The following IL1RAPL2 variants were observed in gnomAD, a reference collection of about 807,000 sequenced individuals.
The protein encoded by IL1RAPL2 is X-linked interleukin-1 receptor accessory protein-like 2.
IL1RAPL2 carries 3 observed loss-of-function variants against 44.1 expected under a neutral mutation model. The ratio of observed to expected loss-of-function variants is 0.07; its 90% confidence interval spans 0.03 to 0.18. The LOEUF is 0.18. Ranked by LOEUF, IL1RAPL2 falls within the 10% of genes least tolerant of loss-of-function variation. The pLI, the probability that IL1RAPL2 is intolerant of heterozygous loss-of-function variation, is 1.00. For missense variants in IL1RAPL2, 391 were observed against 496.4 expected, an observed-to-expected ratio of 0.79 and a Z score of 2.02; for synonymous variants, 181 against 178.8, an observed-to-expected ratio of 1.01 and a Z score of -0.10.
At chrX:104,797,553 G>C (rs1326248927) in intron 2 of IL1RAPL2, among the ~76,000 whole-genome samples, 1 of 111,670 alleles carries the variant, frequency 9.0e-6, no homozygotes, top group Non-Finnish European at 1.9e-5. Flanking sequence ...AACAGTAAAG[G>C]AATCTGTTTA....
intron 1 of IL1RAPL2, among the ~76,000 whole-genome samples, chrX:104,642,283 G>A (rs1167637723): frequency 8.9e-6 from 1 of 111,782 alleles, no homozygotes; most frequent in Non-Finnish European, 1.9e-5. Context: ...CTAAGTGGAG[G>A]AAGAGGACAT....
chrX:104,963,124 T>C (rs1486239812), intron 2 of IL1RAPL2, among the ~76,000 whole-genome samples: 1 of 111,814 alleles, frequency 8.9e-6, no homozygotes, highest in South Asian at 3.8e-4. Flanking sequence ...AATCAAGTAG[T>C]ATTTTATTAG....
chrX:105,318,118 G>T (rs953764974), intron 5 of IL1RAPL2, among the ~76,000 whole-genome samples: 1 of 109,862 alleles, frequency 9.1e-6, no homozygotes, highest in African/African-American at 3.3e-5. Context: ...GACTACAGGC[G>T]CCCGCCACCA....
chrX:105,755,071 TCCAA>T, intron 9 of IL1RAPL2, 102 bp from the exon 10 acceptor site: 1 of 486,373 alleles, frequency 2.1e-6, no homozygotes, highest in Non-Finnish European at 3.4e-6. Context: ...CTTATTTTTT[TCCAA>T]TTATTAAAGA....
intron 2 of IL1RAPL2, among the ~76,000 whole-genome samples, chrX:105,173,097 T>C (rs2033439179): frequency 9.0e-6 from 1 of 110,948 alleles, no homozygotes; most frequent in Non-Finnish European, 1.9e-5. Flanking sequence ...TCCTTAAGAT[T>C]CTGGGACTTA....
At chrX:105,101,697 G>A (rs750703526) in intron 2 of IL1RAPL2, among the ~76,000 whole-genome samples, 5 of 111,191 alleles carry the variant, frequency 4.5e-5, no homozygotes, top group South Asian at 3.8e-4. Context: ...AAAAATGGGC[G>A]TCTGTAGGAA....
chrX:104,718,563 ACTCT>A (rs761322971), intron 2 of IL1RAPL2, among the ~76,000 whole-genome samples: 63 of 108,060 alleles, frequency 5.8e-4, no homozygotes, highest in Admixed American at 4.1e-3. Context: ...TCCCCTGTGT[ACTCT>A]CTCTCTCCTG....
intron 3 of IL1RAPL2, among the ~76,000 whole-genome samples, chrX:105,232,052 G>A (rs2034076167): frequency 8.9e-6 from 1 of 111,811 alleles, no homozygotes; most frequent in Admixed American, 9.5e-5. Context: ...AACCCATGTA[G>A]AGGAAGAAAG....
At chrX:104,828,940 G>A (rs967721066) in intron 2 of IL1RAPL2, among the ~76,000 whole-genome samples, 6 of 112,143 alleles carry the variant, frequency 5.4e-5, no homozygotes, top group Admixed American at 2.8e-4. Context: ...AGGGGAGAAC[G>A]GCCTACTCAA....
chrX:105,481,548 G>A (rs1448124693), intron 5 of IL1RAPL2, among the ~76,000 whole-genome samples: 2 of 112,397 alleles, frequency 1.8e-5, no homozygotes, highest in African/African-American at 6.5e-5. Flanking sequence ...TCATCCTGCT[G>A]AAAGCAGAGC....
chrX:105,350,465 C>T (rs762992299), intron 5 of IL1RAPL2, among the ~76,000 whole-genome samples: 8 of 112,089 alleles, frequency 7.1e-5, no homozygotes, highest in South Asian at 3.7e-4. Flanking sequence ...GGCTCACGCC[C>T]GTAATCCCAG....
intron 2 of IL1RAPL2, among the ~76,000 whole-genome samples, chrX:104,744,386 G>A (rs1437945678): frequency 1.8e-5 from 2 of 111,194 alleles, no homozygotes; most frequent in Non-Finnish European, 3.8e-5. Flanking sequence ...TCTGCTGGAA[G>A]GATTTGGCAA....
At chrX:105,662,531 C>T (rs1418394315) in intron 6 of IL1RAPL2, among the ~76,000 whole-genome samples, 1 of 111,940 alleles carries the variant, frequency 8.9e-6, no homozygotes, top group Non-Finnish European at 1.9e-5. Flanking sequence ...TTTGAAACTC[C>T]TCCCCTCAAG....
chrX:105,693,763 T>C (rs965275305), intron 6 of IL1RAPL2, among the ~76,000 whole-genome samples: 6 of 111,452 alleles, frequency 5.4e-5, no homozygotes, highest in African/African-American at 2.0e-4. Context: ...GGAGATGGGA[T>C]GACAGAAGCA....
Position 105,405,760 on chromosome X carries a change from A to G in IL1RAPL2, c.698-78553A>G. 3.0e-6 allele frequency: 3 copies of G among 1,013,680 alleles called. No individual in the cohort carries two copies. In the South Asian group the frequency reaches 5.7e-5, roughly 19 times the overall value. The allele number at this position is 1,013,680 out of a possible 1,213,427, so 83.5% of individuals were successfully genotyped here. A position where few individuals can be genotyped will look rare whatever the true frequency, so the allele number is the denominator to read the frequency against. On this transcript the variant is annotated intron_variant, in intron 5 of 10. Transcript: ENST00000372582. Reference sequence around the variant, plus strand: ...AGTGTGTCCTACTTCAACACTCAGCATTCAAGAAATATTTATCAAAGACCT... The same window carrying G: ...AGTGTGTCCTACTTCAACACTCAGCGTTCAAGAAATATTTATCAAAGACCT...
chrX:105,623,883 G>A (rs1050605000), intron 6 of IL1RAPL2, among the ~76,000 whole-genome samples: 5 of 111,326 alleles, frequency 4.5e-5, no homozygotes, highest in South Asian at 7.5e-4. Context: ...AACAATACAC[G>A]TATGATTACT....
intron 2 of IL1RAPL2, among the ~76,000 whole-genome samples, chrX:104,977,265 C>T (rs1454262253): frequency 3.6e-5 from 4 of 111,879 alleles, no homozygotes; most frequent in African/African-American, 1.3e-4. Context: ...TACCTGCCAG[C>T]CTACTGGTAG....
chrX:104,800,365 TA>T (rs201498156), intron 2 of IL1RAPL2, among the ~76,000 whole-genome samples: 29 of 107,545 alleles, frequency 2.7e-4, no homozygotes, highest in South Asian at 1.6e-3. Flanking sequence ...GCCAGGTATT[TA>T]AAAAAAAAAC....
In IL1RAPL2 at chrX:105,450,880, G is replaced by A. The variant is rs181261918; in HGVS notation, c.698-33433G>A. On this transcript the variant is annotated intron_variant, in intron 5 of 10. Transcript: ENST00000372582. ...CTTTGTCAACAGAGATGTAAATAAC[G>A]AAGACCACAACTCAGTCTTAGGTCC... Among the ~76,000 whole-genome samples, 247 of 107,409 alleles carry A rather than the reference G, an allele frequency of 2.3e-3. 1 individual carries two copies. The highest frequency in any genetic ancestry group is 3.8e-3 in the Non-Finnish European group (199 of 52,454). 93.3% of individuals were successfully genotyped at this position (107,409 alleles called of 115,157 possible). A position where few individuals can be genotyped will look rare whatever the true frequency, so the allele number is the denominator to read the frequency against.
Sources: allele counts gnomAD v4.1 joint callset (sites outside exome capture counted in the v4.1 genomes callset), GRCh38; gene constraint gnomAD v4.1.1; transcripts MANE v1.5; gene names NCBI Gene and HGNC (gene_info 2026-07-23, HGNC 2026-07-21).